Variants in AKAP6 observed in about 807,000 individuals in gnomAD.
AKAP6 encodes A-kinase anchor protein 6.
A neutral mutation model predicts 188.5 loss-of-function variants in AKAP6; 58 were observed. The observed-to-expected ratio is 0.31, with a 90% confidence interval of 0.25 to 0.38. AKAP6 has a LOEUF of 0.38. AKAP6 is among the 10% of genes least tolerant of loss of function. The pLI is 1.00. For missense variants in AKAP6, 2,710 were observed against 2,740.0 expected (o/e 0.99, Z 0.24); for synonymous variants, 989 against 998.6 (o/e 0.99, Z 0.18).
chr14:32,769,613 C>T (rs1566698774), intron 11 of AKAP6, among the ~76,000 whole-genome samples: 1 of 150,704 alleles, frequency 6.6e-6, no homozygotes. Context: ...TCATATTGGC[C>T]TACCTAATGA....
In AKAP6 at chr14:32,791,351, C is replaced by T. The variant is rs192554287; in HGVS notation, c.3588+17458C>T. Among the ~76,000 whole-genome samples the T allele has an allele frequency of 3.5e-3, 536 of 152,262 alleles. 4 individuals carry two copies. The highest frequency in any genetic ancestry group is 0.012 in the African/African-American group (519 of 41,554). On this transcript the variant is annotated intron_variant, in intron 12 of 13. Coordinates refer to ENST00000280979, the MANE Select transcript of AKAP6 (RefSeq NM_004274.5). ...GGTATCTCATTGTGGTTTTGATTTGCATTTCTCTAATGGCCAATCATGATG... is the reference window on the plus strand; with the variant it reads ...GGTATCTCATTGTGGTTTTGATTTGTATTTCTCTAATGGCCAATCATGATG...
chr14:32,783,995 T>C (rs139231907), intron 12 of AKAP6, among the ~76,000 whole-genome samples: 1 of 152,340 alleles, frequency 6.6e-6, no homozygotes, highest in Non-Finnish European at 1.5e-5. Flanking sequence ...GGTGATTCTA[T>C]TTTCAATATA....
At chr14:32,420,929 GTGTGTGTT>G (rs970332679) in intron 1 of AKAP6, among the ~76,000 whole-genome samples, 4 of 151,836 alleles carry the variant, frequency 2.6e-5, no homozygotes, top group African/African-American at 9.7e-5. Flanking sequence ...GTGTGTGTGT[GTGTGTGTT>G]TGTGTGTCTG....
At chr14:32,758,635 AG>A (rs2032429510) in intron 11 of AKAP6, among the ~76,000 whole-genome samples, 1 of 152,182 alleles carries the variant, frequency 6.6e-6, no homozygotes, top group African/African-American at 2.4e-5. Context: ...TGGGAGGCTG[AG>A]GCAGGAGAAT....
At chr14:32,560,241 T>C (rs1883891306) in intron 4 of AKAP6, among the ~76,000 whole-genome samples, 1 of 152,188 alleles carries the variant, frequency 6.6e-6, no homozygotes, top group Non-Finnish European at 1.5e-5. Flanking sequence ...TATATTTTAT[T>C]TGTTGCAATG....
At chr14:32,713,080 A>G (rs919984967) in intron 9 of AKAP6, among the ~76,000 whole-genome samples, 1 of 152,124 alleles carries the variant, frequency 6.6e-6, no homozygotes, top group Non-Finnish European at 1.5e-5. Flanking sequence ...GTTAATAGGC[A>G]TGAAAACAGT....
intron 4 of AKAP6, among the ~76,000 whole-genome samples, chr14:32,564,048 T>C (rs1884082495): frequency 6.6e-6 from 1 of 152,210 alleles, no homozygotes. Context: ...ATGTAAATTG[T>C]ATAGTATTTG....
chr14:32,742,521 C>G (rs1223204180), intron 11 of AKAP6, among the ~76,000 whole-genome samples: 1 of 151,936 alleles, frequency 6.6e-6, no homozygotes, highest in African/African-American at 2.4e-5. Context: ...AAAATTCCCT[C>G]TTAGTACTGC....
intron 4 of AKAP6, among the ~76,000 whole-genome samples, chr14:32,548,474 G>T (rs1483209761): frequency 4.0e-5 from 6 of 151,148 alleles, no homozygotes; most frequent in African/African-American, 1.2e-4. Flanking sequence ...GATTATTCTC[G>T]CTTTACAGAG....
intron 1 of AKAP6, among the ~76,000 whole-genome samples, chr14:32,386,066 G>A (rs933601942): frequency 3.3e-5 from 5 of 150,898 alleles, no homozygotes; most frequent in Non-Finnish European, 5.9e-5. Flanking sequence ...TTGGTTTCAC[G>A]TTTCTGCAAA....
In AKAP6 at chr14:32,599,619, C is replaced by G. The variant is rs1254444313; in HGVS notation, c.2566+113C>G. On this transcript the variant is annotated intron_variant, in intron 6 of 13. Transcript: ENST00000280979. Reference sequence around the variant, plus strand: ...CTTCCTTATGTATTATTAATATTTACATTATCAGATTGACCTTCAAGATTT... The same window carrying G: ...CTTCCTTATGTATTATTAATATTTAGATTATCAGATTGACCTTCAAGATTT... 1.2e-5 allele frequency: 9 copies of G among 726,150 alleles called. No individual in the cohort carries two copies. In the East Asian group the frequency reaches 2.6e-4, roughly 21 times the overall value. The allele number at this position is 726,150 out of a possible 1,614,324, so 45.0% of individuals were successfully genotyped here.
At chr14:32,510,438 GTATATATATATACATATATATGTGTATA>G (rs1881170729) in intron 2 of AKAP6, among the ~76,000 whole-genome samples, 2 of 84,458 alleles carry the variant, frequency 2.4e-5, no homozygotes, top group Non-Finnish European at 5.0e-5. Context: ...ATATATATGT[GTATATATATATACATATATATGTGTATA>G]TATATATATA....
chr14:32,813,400 CA>C (rs368132242), intron 12 of AKAP6, among the ~76,000 whole-genome samples: 8,789 of 124,494 alleles, frequency 0.071, 622 homozygotes, highest in South Asian at 0.13. Flanking sequence ...CCCCCCCCCC[CA>C]ACCCCTTTCC....
In AKAP6 at chr14:32,762,891, G is replaced by A. The variant is rs74041695; in HGVS notation, c.3373-10787G>A. ...AAGGTCAGTTCAATAAGGCCATGGA[G>A]GTAAAGGTGATTGCGGTAACTTTAG... On this transcript the variant is annotated intron_variant, in intron 11 of 13. Coordinates refer to ENST00000280979, the MANE Select transcript of AKAP6 (RefSeq NM_004274.5). Among the ~76,000 whole-genome samples, 698 of 152,154 alleles carry A rather than the reference G, an allele frequency of 4.6e-3. 2 individuals carry two copies. Among genetic ancestry groups the A allele is most frequent in the Middle Eastern group, 0.017 (5 of 294 alleles).
chr14:32,512,994 A>G (rs1041084832), intron 2 of AKAP6, among the ~76,000 whole-genome samples: 5 of 152,210 alleles, frequency 3.3e-5, no homozygotes, highest in African/African-American at 9.7e-5. Context: ...TTAGTCATGC[A>G]AAGTTTATCC....
chr14:32,376,843 C>A (rs1399804636), intron 1 of AKAP6, among the ~76,000 whole-genome samples: 1 of 152,052 alleles, frequency 6.6e-6, no homozygotes, highest in Non-Finnish European at 1.5e-5. Flanking sequence ...ATTACAGGTG[C>A]CCACCATCAT....
chr14:32,724,800 A>G (rs1271637018), intron 9 of AKAP6, among the ~76,000 whole-genome samples: 2 of 151,954 alleles, frequency 1.3e-5, no homozygotes, highest in South Asian at 2.1e-4. Context: ...AGCACACGGG[A>G]TATTTCTTCC....
chr14:32,407,729 G>A (rs7140664), intron 1 of AKAP6, among the ~76,000 whole-genome samples: 142,046 of 152,182 alleles, frequency 0.93, 66,951 homozygotes, highest in East Asian at 1. Context: ...GTACCATGTA[G>A]ACTTAGAGCA....
intron 11 of AKAP6, among the ~76,000 whole-genome samples, chr14:32,749,876 C>T (rs1346943158): frequency 6.6e-6 from 1 of 152,188 alleles, no homozygotes; most frequent in Non-Finnish European, 1.5e-5. Context: ...TGAAGTCCTT[C>T]ACAATATATG....
Sources: allele counts gnomAD v4.1 joint callset (sites outside exome capture counted in the v4.1 genomes callset), GRCh38; gene constraint gnomAD v4.1.1; transcripts MANE v1.5; gene names NCBI Gene and HGNC (gene_info 2026-07-23, HGNC 2026-07-21).